The following ARC variants were observed in gnomAD, a reference collection of about 807,000 sequenced individuals.
ARC encodes activity regulated cytoskeleton associated protein.
A neutral mutation model predicts 20.0 loss-of-function variants in ARC; 10 were observed. The ratio of observed to expected loss-of-function variants is 0.50; its 90% CI spans 0.31 to 0.85. The LOEUF is 0.85. ARC is among the 40% of genes least tolerant of loss of function. The pLI is 0.05. For synonymous variants in ARC, 269 were observed against 254.1 expected (o/e 1.06, Z -0.56); for missense variants, 454 against 555.5 (o/e 0.82, Z 1.84).
chr8:142,614,041 G>A lies in ARC; in HGVS notation c.231C>T (p.Gly77=), dbSNP rs895462493. 3 of 1,607,306 alleles carry A rather than the reference G, an allele frequency of 1.9e-6. No homozygotes were observed. The African/African-American group carries it at 4.0e-5, about 21-fold the overall frequency. ...GCTGCGAGTCGCTCGTGGGCACGTAGCCGTCCAGGTTGCTCTCCAGCTTCC... is the reference window on the plus strand; with the variant it reads ...GCTGCGAGTCGCTCGTGGGCACGTAACCGTCCAGGTTGCTCTCCAGCTTCC... ...SVGKLESNLD[G]YVPTSDSQRW... is the part of the protein sequence containing the mutation. The change falls in exon 1 of 3, where the codon GGC becomes GGT. Residue 77 remains glycine, a synonymous_variant. Transcript: ENST00000356613.
Position 142,613,932 on chromosome 8 carries a change from G to T in ARC, c.340C>A (p.His114Asn). 10 of 1,602,662 alleles carry T rather than the reference G, an allele frequency of 6.2e-6. No individual in the cohort carries two copies. Among genetic ancestry groups the T allele is most frequent in the Non-Finnish European group, 8.5e-6 (10 of 1,176,414 alleles). The change falls in exon 1 of 3, where the codon CAC becomes AAC. Residue 114 changes from histidine (H) to asparagine (N), a missense_variant. This residue lies in a region of ARC where 265 missense variants were observed against 301.7 expected (regional missense o/e 0.88). Transcript: ENST00000356613. The part of the protein sequence containing the change: ...NLERWVKREM[H>N]VWREVFYRLE... ...CGGTAGAACACCTCGCGCCACACGT[G>T]CATCTCGCGCTTGACCCAGCGCTCC...
intron 2 of ARC, 58 bp downstream of exon 2, chr8:142,612,050 C>T (rs35900184): frequency 0.27 from 41,716 of 152,740 alleles, 6,030 homozygotes; most frequent in Middle Eastern, 0.44. Flanking sequence ...TGGGGAGGAG[C>T]TCATTTGGCC....
chr8:142,612,935 G>C lies in ARC; in HGVS notation c.*146C>G, dbSNP rs587663380. On this transcript the variant is annotated 3_prime_UTR_variant, in exon 1 of 3. Transcript: ENST00000356613. ...TGCGGTGCTCACATCTGGATGACAC[G>C]AGTGTGTGCGAGTCCGCCCGGAGCT... The C allele has an allele frequency of 4.7e-6, 3 of 643,532 alleles. No individual in the cohort carries two copies. Among genetic ancestry groups the C allele is most frequent in the Admixed American group, 5.9e-5 (2 of 33,802 alleles). The allele number at this position is 643,532 out of a possible 1,614,324, so 39.9% of individuals were successfully genotyped here. A position where few individuals can be genotyped will look rare whatever the true frequency, so the allele number is the denominator to read the frequency against.
chr8:142,613,105 G>A lies in ARC; in HGVS notation c.1167C>T (p.Ala389=), dbSNP rs769181082. ...TCTACTCGGGCTGGGTCCGGTCACT[G>A]GCCACGGACTCGCTGTTGGGGGCGG... The part of the protein sequence containing the change: ...LTPAPNSESV[A]SDRTQPE The change falls in exon 1 of 3, where the codon GCC becomes GCT. Residue 389 remains alanine, a synonymous_variant. Coordinates refer to ENST00000356613, the MANE Select transcript of ARC (RefSeq NM_015193.5). 1.9e-6 allele frequency: 3 copies of A among 1,557,356 alleles called. No homozygotes were observed. The highest frequency in any genetic ancestry group is 2.4e-5 in the South Asian group (2 of 83,560).
chr8:142,612,382 CT>C (rs1057171356), intron 1 of ARC, 101 bp downstream of exon 1: 17 of 152,296 alleles, frequency 1.1e-4, no homozygotes, highest in African/African-American at 3.4e-4. Flanking sequence ...GGCTAACTTG[CT>C]GGGGGCCCAA....
rs1846270437 is a variant in ARC, at chr8:142,613,074, A to G, written c.*7T>C. On this transcript the variant is annotated 3_prime_UTR_variant, in exon 1 of 3. Coordinates refer to ENST00000356613, the MANE Select transcript of ARC (RefSeq NM_015193.5). ...TAGTGGGCAGGCTGGGGGCTCCGGG[A>G]TGCCCTCTACTCGGGCTGGGTCCGG... 6.7e-7 allele frequency: 1 copy of G among 1,501,362 alleles called. No homozygotes were observed. The allele number at this position is 1,501,362 out of a possible 1,614,324, so 93.0% of individuals were successfully genotyped here. A position where few individuals can be genotyped will look rare whatever the true frequency, so the allele number is the denominator to read the frequency against.
In ARC at chr8:142,613,834, G is replaced by C; in HGVS notation, c.438C>G (p.His146Gln). Residue 146 changes from histidine (H) to glutamine (Q), a missense_variant, in exon 1 of 3, where the codon CAC (histidine) becomes CAG (glutamine). His to Gln is a conservative substitution (Grantham distance 24). Transcript: ENST00000356613. The stretch of plus-strand genomic sequence containing the variant: ...GACCCCCCACGCCCACGGAAACGGT[G>C]TGGCGGGCTGACTCGCTGCCCACCG... ...KYPVGSESAR[H>Q]TVSVGVGGPE... 1 of 1,539,918 alleles carries C rather than the reference G, an allele frequency of 6.5e-7. No individual in the cohort carries two copies. Among genetic ancestry groups the C allele is most frequent in the African/African-American group, 1.4e-5 (1 of 73,342 alleles).
chr8:142,613,686 G>T lies in ARC; in HGVS notation c.586C>A (p.Pro196Thr). ...QEPAEAQQYQ[P>T]WVPGEDGQPS... ...TGCCCGTCCTCGCCGGGGACCCACG[G>T]CTGGTACTGCTGGGCCTCGGCGGGC... Residue 196 changes from proline to threonine, a missense_variant, in exon 1 of 3, where the codon CCG becomes ACG. Pro to Thr is a conservative substitution (Grantham distance 38). Transcript: ENST00000356613. The T allele has an allele frequency of 6.4e-7, 1 of 1,568,220 alleles. No homozygotes were observed. The highest frequency in any genetic ancestry group is 8.6e-7 in the Non-Finnish European group (1 of 1,159,528).
chr8:142,613,528 C>A lies in ARC; in HGVS notation c.744G>T (p.Gly248=), dbSNP rs749321154. 7.4e-6 allele frequency: 12 copies of A among 1,612,468 alleles called. No individual in the cohort carries two copies. The highest frequency in any genetic ancestry group is 4.5e-5 in the East Asian group (2 of 44,862). The change falls in exon 1 of 3, where the codon GGG becomes GGT. Residue 248 remains glycine (G), a synonymous_variant. Transcript: ENST00000356613. ...TGAACTCCCACCACTTCTTGGCCGG[C>A]CCGTTCATGTGATTCTGGATCTGGG... ...WLSQIQNHMN[G]PAKKWWEFKQ...
chr8:142,614,219 C>A lies in ARC; in HGVS notation c.53G>T (p.Arg18Leu). 1 of 1,508,596 alleles carries A rather than the reference C, an allele frequency of 6.6e-7. No individual in the cohort carries two copies. The allele number at this position is 1,508,596 out of a possible 1,614,324, so 93.5% of individuals were successfully genotyped here. ...GTTGGGCTTGGCCACCTGCCCGCCCCGCGGCCCGGGGTAGGCGTGGAGCCC... is the reference window on the plus strand; with the variant it reads ...GTTGGGCTTGGCCACCTGCCCGCCCAGCGGCCCGGGGTAGGCGTGGAGCCC... ...SGGLHAYPGP[R>L]GGQVAKPNVI... Residue 18 changes from arginine (R) to leucine (L), a missense_variant, in exon 1 of 3, where the codon CGG becomes CTG. Physicochemically the swap from Arg to Leu is moderately radical, Grantham distance 102. Transcript: ENST00000356613.
Position 142,613,264 on chromosome 8 carries a change from G to A in ARC, c.1008C>T (p.Phe336=), listed in dbSNP as rs367748647. 9.3e-6 allele frequency: 15 copies of A among 1,613,492 alleles called. No individual in the cohort carries two copies. The highest frequency in any genetic ancestry group is 1.3e-5 in the Non-Finnish European group (15 of 1,179,988). The part of the protein sequence containing the change: ...VGTLQPKLKR[F]LRHPLPKTLE... ...GGGTCTTGGGCAGGGGGTGGCGCAG[G>A]AAACGCTTGAGCTTGGGCTGCAGGG... is the stretch of plus-strand genomic sequence containing the variant. The change falls in exon 1 of 3, where the codon TTC becomes TTT. Residue 336 remains phenylalanine (F), a synonymous_variant. Coordinates refer to ENST00000356613, the MANE Select transcript of ARC (RefSeq NM_015193.5).
Position 142,613,299 on chromosome 8 carries a change from C to T in ARC, c.973G>A (p.Val325Met), listed in dbSNP as rs1846273655. 1.2e-6 allele frequency: 2 copies of T among 1,613,706 alleles called. No homozygotes were observed. The highest frequency in any genetic ancestry group is 8.5e-7 in the Non-Finnish European group (1 of 1,180,002). The stretch of plus-strand genomic sequence containing the variant: ...AGCTTGGGCTGCAGGGTGCCCACCA[C>T]GTACTGGATGATCTCCTCCTCGTCC... ...DADEEEIIQY[V>M]VGTLQPKLKR... Residue 325 changes from valine (V) to methionine (M), a missense_variant, in exon 1 of 3, where the codon GTG becomes ATG. Transcript: ENST00000356613.
Position 142,612,928 on chromosome 8 carries a change from A to C in ARC, c.*153T>G. On this transcript the variant is annotated 3_prime_UTR_variant, in exon 1 of 3. Transcript: ENST00000356613. ...CGCTGGGTGCGGTGCTCACATCTGG[A>C]TGACACGAGTGTGTGCGAGTCCGCC... is the stretch of plus-strand genomic sequence containing the variant. 3.2e-6 allele frequency: 2 copies of C among 627,218 alleles called. No individual in the cohort carries two copies. Among genetic ancestry groups the C allele is most frequent in the Non-Finnish European group, 5.5e-6 (2 of 365,774 alleles). 38.9% of individuals were successfully genotyped at this position (627,218 alleles called of 1,614,324 possible). A position where few individuals can be genotyped will look rare whatever the true frequency, so the allele number is the denominator to read the frequency against.
rs1425866959 is a variant in ARC at position 142,613,615 on chromosome 8, C to T, written c.657G>A (p.Glu219=). The T allele has an allele frequency of 6.3e-7, 1 of 1,583,610 alleles. No individual in the cohort carries two copies. Among genetic ancestry groups the T allele is most frequent in the South Asian group, 1.1e-5 (1 of 88,756 alleles). Residue 219 remains glutamate, a synonymous_variant, in exon 1 of 3, where the codon GAG becomes GAA. Coordinates refer to ENST00000356613, the MANE Select transcript of ARC (RefSeq NM_015193.5). ...AGTACTCCTCTAGGTGGCTCAGGAA[C>T]TCTCGAGGGTCCTCGAAGATCTGCG... ...VDTQIFEDPR[E]FLSHLEEYLR... is the part of the protein sequence containing the mutation.
rs930969101 is a variant in ARC, at chr8:142,611,747, T to C, written c.*853A>G. The C allele has an allele frequency of 6.6e-6, 1 of 152,442 alleles. No individual in the cohort carries two copies. The highest frequency in any genetic ancestry group is 1.5e-5 in the Non-Finnish European group (1 of 68,206). The allele number at this position is 152,442 out of a possible 1,614,324, so 9.4% of individuals were successfully genotyped here. ...CTCTGCTGCAGCCGACTCCTCTCTG[T>C]AGCCCCCCTCTGGGCTGTCCTGGGA... On this transcript the variant is annotated 3_prime_UTR_variant, in exon 3 of 3. Coordinates refer to ENST00000356613, the MANE Select transcript of ARC (RefSeq NM_015193.5).
Position 142,613,939 on chromosome 8 carries a change from G to A in ARC, c.333C>T (p.Arg111=), listed in dbSNP as rs1046319306. 1.9e-6 allele frequency: 3 copies of A among 1,605,148 alleles called. No individual in the cohort carries two copies. ...ACACCTCGCGCCACACGTGCATCTC[G>A]CGCTTGACCCAGCGCTCCAGGTTGG... ...TIANLERWVK[R]EMHVWREVFY... is the part of the protein sequence containing the mutation. Residue 111 remains arginine, a synonymous_variant, in exon 1 of 3, where the codon CGC becomes CGT. Coordinates refer to ENST00000356613, the MANE Select transcript of ARC (RefSeq NM_015193.5).
chr8:142,613,159 C>T lies in ARC; in HGVS notation c.1113G>A (p.Pro371=), dbSNP rs371075422. ...TGAGGGTCTCCGCCTCATCCTCCAC[C>T]GGGAGGTGGGGGCCGGCCGGCTCGG... ...QAAEPAGPHL[P]VEDEAETLTP... Residue 371 remains proline (P), a synonymous_variant, in exon 1 of 3, where the codon CCG becomes CCA. Transcript: ENST00000356613. 25 of 1,606,980 alleles carry T rather than the reference C, an allele frequency of 1.6e-5. No individual in the cohort carries two copies. The East Asian group carries it at 2.0e-4, about 13-fold the overall frequency.
Position 142,612,844 on chromosome 8 carries a change from G to C in ARC, c.*237C>G, listed in dbSNP as rs759159809. 2.0e-6 allele frequency: 1 copy of C among 506,964 alleles called. No individual in the cohort carries two copies. Among genetic ancestry groups the C allele is most frequent in the South Asian group, 3.8e-5 (1 of 26,554 alleles). 31.4% of individuals were successfully genotyped at this position (506,964 alleles called of 1,614,324 possible). A position where few individuals can be genotyped will look rare whatever the true frequency, so the allele number is the denominator to read the frequency against. ...GAGTGTGGAGGGTGGGGTCCAGGCCGGAAAGACAGACGGAGGGAGGGTGAT... is the reference window on the plus strand; with the variant it reads ...GAGTGTGGAGGGTGGGGTCCAGGCCCGAAAGACAGACGGAGGGAGGGTGAT... On this transcript the variant is annotated 3_prime_UTR_variant, in exon 1 of 3. Transcript: ENST00000356613.
chr8:142,613,312 C>G lies in ARC; in HGVS notation c.960G>C (p.Glu320Asp). The stretch of plus-strand genomic sequence containing the variant: ...GGGTGCCCACCACGTACTGGATGAT[C>G]TCCTCCTCGTCCGCGTCCACGTAGA... Reference protein sequence around the residue: ...QTLYVDADEEEIIQYVVGTLQ... With the variant: ...QTLYVDADEEDIIQYVVGTLQ... The change falls in exon 1 of 3, where the codon GAG becomes GAC. Residue 320 changes from glutamate to aspartate, a missense_variant. This residue lies in a region of ARC where 117 missense variants were observed against 194.4 expected (regional missense o/e 0.60). Transcript: ENST00000356613. 1 of 1,613,672 alleles carries G rather than the reference C, an allele frequency of 6.2e-7. No homozygotes were observed. The highest frequency in any genetic ancestry group is 8.5e-7 in the Non-Finnish European group (1 of 1,179,976).
Sources: gnomAD v4.1 joint callset for allele counts on GRCh38, gnomAD v4.1.1 for gene constraint, gnomAD v4.1.1 regional missense constraint, MANE v1.5 for transcripts, NCBI Gene and HGNC (gene_info 2026-07-23, HGNC 2026-07-21) for gene names.